Variants in KIAA1671 observed in about 807,000 individuals in gnomAD.
KIAA1671 encodes the protein KIAA1671, also known as uncharacterized protein KIAA1671.
In KIAA1671, 52 loss-of-function variants were observed where a neutral mutation model predicts 131.2. The ratio of observed to expected loss-of-function variants is 0.40; its 90% confidence interval spans 0.32 to 0.50. The LOEUF (loss-of-function observed/expected upper bound fraction) is 0.50, where lower values mean the gene tolerates loss of function less well. Ranked by LOEUF, KIAA1671 falls within the 20% of genes least tolerant of loss-of-function variation. The probability of loss-of-function intolerance (pLI) is 0.73; values close to 1 mark genes in which losing one functional copy is unlikely to be tolerated. For synonymous variants in KIAA1671, 1,003 were observed against 961.6 expected, an observed-to-expected ratio of 1.04 and a Z score of -0.80; for missense variants, 2,360 against 2,364.2, an observed-to-expected ratio of 1.00 and a Z score of 0.04.
rs9608370 is a variant in KIAA1671 at position 25,116,414 on chromosome 22, T to C, written c.4531-54406T>C. On this transcript the variant is annotated intron_variant, in intron 6 of 12. Coordinates refer to ENST00000358431, the MANE Select transcript of KIAA1671 (RefSeq NM_001145206.2). ...ATGTATGTATGTATGTATGTATGTA[T>C]GTATGTATGTATGTATGTACGTATT... Among the ~76,000 whole-genome samples, 847 of 149,884 alleles carry C rather than the reference T, an allele frequency of 5.7e-3. 6 individuals carry two copies. The highest frequency in any genetic ancestry group is 9.3e-3 in the Admixed American group (140 of 15,004).
Position 25,040,325 on chromosome 22 carries a change from T to C in KIAA1671, c.3195T>C (p.His1065=). The change falls in exon 5 of 13, where the codon CAT becomes CAC. Residue 1065 remains histidine (H), a synonymous_variant. Transcript: ENST00000358431. Reference sequence around the variant, plus strand: ...AAATCACTCCACCCTCGTCTCCTCATTCTTTAACATCCACTTTGGTTTCTC... The same window carrying C: ...AAATCACTCCACCCTCGTCTCCTCACTCTTTAACATCCACTTTGGTTTCTC... ...SRKITPPSSP[H]SLTSTLVSLG... is the part of the protein sequence containing the mutation. 5 of 1,551,788 alleles carry C rather than the reference T, an allele frequency of 3.2e-6. No individual in the cohort carries two copies. Among genetic ancestry groups the C allele is most frequent in the Non-Finnish European group, 4.4e-6 (5 of 1,147,016 alleles).
intron 6 of KIAA1671, among the ~76,000 whole-genome samples, chr22:25,068,836 G>A (rs1428465889): frequency 1.3e-5 from 2 of 152,182 alleles, no homozygotes; most frequent in Non-Finnish European, 2.9e-5. Flanking sequence ...GATGTTGCTG[G>A]GGCAGTCAGT....
chr22:25,038,629 C>T, intron 4 of KIAA1671, 131 bp from the exon 5 acceptor site: 1 of 993,444 alleles, frequency 1.0e-6, no homozygotes, highest in East Asian at 2.6e-5. Context: ...TGGGTGTGTT[C>T]ATTCTTTTCA....
In KIAA1671 at chr22:25,127,970, G is replaced by C. The variant is rs539404550; in HGVS notation, c.4531-42850G>C. 1.2e-4 allele frequency among the ~76,000 whole-genome samples: 18 copies of C among 152,304 alleles called. 2 individuals are homozygous for C. The highest frequency in any genetic ancestry group is 1.1e-3 in the Admixed American group (17 of 15,308). ...TGGGGGTGGAGGAGGAGACAACAGG[G>C]GTACAGATGGGCCTGAGTTCAAATC... On this transcript the variant is annotated intron_variant, in intron 6 of 12. Transcript: ENST00000358431.
At chr22:25,000,209 T>TAAATGTAGCTTTCGA (rs1241803812) in intron 1 of KIAA1671, among the ~76,000 whole-genome samples, 7 of 72,270 alleles carry the variant, frequency 9.7e-5, no homozygotes, top group Non-Finnish European at 1.5e-4. Context: ...TTTTTTTTTT[T>TAAATGTAGCTTTCGA]TTGAGACGGA....
At chr22:25,086,190 A>G (rs1929713210) in intron 6 of KIAA1671, among the ~76,000 whole-genome samples, 1 of 152,216 alleles carries the variant, frequency 6.6e-6, no homozygotes, top group African/African-American at 2.4e-5. Context: ...TGAATGCGAA[A>G]ATGAAACTTT....
At position 25,134,207 on chromosome 22, in the gene KIAA1671, T is replaced by A. The variant is rs557022510; in HGVS notation, c.4531-36613T>A. Reference sequence around the variant, plus strand: ...TCCAGTTATTATTGAAATGAGTGGATGTTTCCGGGAACACAGCAAATCCAT... The same window carrying A: ...TCCAGTTATTATTGAAATGAGTGGAAGTTTCCGGGAACACAGCAAATCCAT... On this transcript the variant is annotated intron_variant, in intron 6 of 12. Transcript: ENST00000358431. Among the ~76,000 whole-genome samples, 6 of 152,320 alleles carry A rather than the reference T, an allele frequency of 3.9e-5. No individual in the cohort carries two copies. The South Asian group carries it at 1.2e-3, about 32-fold the overall frequency.
At chr22:25,042,719 C>T (rs1477253732) in intron 5 of KIAA1671, among the ~76,000 whole-genome samples, 1 of 151,902 alleles carries the variant, frequency 6.6e-6, no homozygotes, top group Non-Finnish European at 1.5e-5. Context: ...GTGATCCGCC[C>T]ACCTTGACCT....
intron 5 of KIAA1671, 130 bp from the exon 6 acceptor site, chr22:25,049,100 G>C: frequency 6.2e-6 from 7 of 1,130,204 alleles, no homozygotes; most frequent in Non-Finnish European, 8.6e-6. Flanking sequence ...TCATTAAAGT[G>C]GGGGATTTCT....
At chr22:25,179,503 C>T in intron 9 of KIAA1671, 1 of 1,611,888 alleles carries the variant, frequency 6.2e-7, no homozygotes, top group South Asian at 1.1e-5. Flanking sequence ...GCAGCACCTC[C>T]CGCTCGTGCT....
intron 6 of KIAA1671, among the ~76,000 whole-genome samples, chr22:25,093,764 CTCTG>C (rs1568951157): frequency 1.0e-3 from 110 of 107,688 alleles, no homozygotes; most frequent in South Asian, 3.2e-3. Flanking sequence ...CTCTCTCTCT[CTCTG>C]TCTCTCTCTC....
At chr22:25,079,199 A>G (rs1929266490) in intron 6 of KIAA1671, among the ~76,000 whole-genome samples, 2 of 151,570 alleles carry the variant, frequency 1.3e-5, no homozygotes, top group African/African-American at 4.9e-5. Context: ...ACATCAGTGC[A>G]CAAGACAGCC....
intron 1 of KIAA1671, among the ~76,000 whole-genome samples, chr22:24,963,665 G>A (rs797012078): frequency 6.6e-6 from 1 of 152,084 alleles, no homozygotes; most frequent in African/African-American, 2.4e-5. Context: ...GATAGGCCGG[G>A]TGCGGTGGCT....
intron 2 of KIAA1671, among the ~76,000 whole-genome samples, chr22:25,026,795 G>T (rs1462855800): frequency 1.3e-5 from 2 of 151,954 alleles, no homozygotes; most frequent in Non-Finnish European, 2.9e-5. Flanking sequence ...CTGGGTGATC[G>T]TAGGCAAGTC....
intron 9 of KIAA1671, among the ~76,000 whole-genome samples, chr22:25,178,594 A>G (rs557998038): frequency 2.8e-4 from 43 of 152,368 alleles, no homozygotes; most frequent in Middle Eastern, 3.4e-3. Context: ...GGGACTGTCC[A>G]TGCTGCCCAC....
At chr22:25,082,141 G>A (rs1929443420) in intron 6 of KIAA1671, among the ~76,000 whole-genome samples, 1 of 152,184 alleles carries the variant, frequency 6.6e-6, no homozygotes, top group Admixed American at 6.5e-5. Context: ...GTGGACATGT[G>A]GTTTCTGTGT....
Position 25,093,832 on chromosome 22 carries a change from CTG to C in KIAA1671, c.4530+44470_4530+44471del, listed in dbSNP as rs55744753. 7.3e-3 allele frequency among the ~76,000 whole-genome samples: 508 copies of C among 69,298 alleles called. 59 individuals are homozygous for C. The highest frequency in any genetic ancestry group is 0.029 in the East Asian group (72 of 2,514). The allele number at this position is 69,298 out of a possible 152,430, so 45.5% of individuals were successfully genotyped here. ...TCTCTGTCTCTCTCTCTTTCTCTCT[CTG>C]TCTGTCTCTCTCTCTCTCTCTCTCT... On this transcript the variant is annotated intron_variant, in intron 6 of 12. Coordinates refer to ENST00000358431, the MANE Select transcript of KIAA1671 (RefSeq NM_001145206.2).
chr22:25,150,896 A>G (rs575537019), intron 6 of KIAA1671, among the ~76,000 whole-genome samples: 2 of 143,620 alleles, frequency 1.4e-5, no homozygotes, highest in Non-Finnish European at 3.0e-5. Context: ...GCCGTGGCGC[A>G]ATCTCGGCTT....
intron 6 of KIAA1671, among the ~76,000 whole-genome samples, chr22:25,069,615 C>T (rs530084495): frequency 1.2e-4 from 18 of 152,318 alleles, no homozygotes; most frequent in African/African-American, 4.3e-4. Context: ...GGCCAAGTCC[C>T]TTGACTTCTC....
Sources: allele counts gnomAD v4.1 joint callset (sites outside exome capture counted in the v4.1 genomes callset), GRCh38; gene constraint gnomAD v4.1.1; transcripts MANE v1.5; gene names NCBI Gene and HGNC (gene_info 2026-07-23, HGNC 2026-07-21).